The following LDLRAD2 variants were observed in gnomAD, a reference collection of about 807,000 sequenced individuals.
LDLRAD2 encodes low-density lipoprotein receptor class A domain-containing protein 2.
A neutral mutation model predicts 24.9 loss-of-function variants in LDLRAD2; 25 were observed. That is an observed-to-expected ratio of 1.00 (90% CI 0.73 to 1.40). The LOEUF is 1.40. Ranked by LOEUF, LDLRAD2 falls within the 40% of genes most tolerant of loss-of-function variation. LDLRAD2 has a pLI of 0.00. For missense variants in LDLRAD2, 391 were observed against 366.2 expected, an observed-to-expected ratio of 1.07 and a Z score of -0.55; for synonymous variants, 182 against 166.7, an observed-to-expected ratio of 1.09 and a Z score of -0.71.
In LDLRAD2 at chr1:21,816,082, C is replaced by T. The variant is rs371083580; in HGVS notation, c.643+8C>T. Reference sequence around the variant, plus strand: ...CACCAGCTGACTGCAGAGGTCAGTGCGGGGTGTGGACTGGGCCCTACTGAA... The same window carrying T: ...CACCAGCTGACTGCAGAGGTCAGTGTGGGGTGTGGACTGGGCCCTACTGAA... On this transcript the variant is annotated splice_region_variant and intron_variant, in intron 3 of 4. Coordinates refer to ENST00000344642, the MANE Select transcript of LDLRAD2 (RefSeq NM_001013693.3). 1.3e-4 allele frequency: 209 copies of T among 1,611,912 alleles called. No homozygotes were observed. Among genetic ancestry groups the T allele is most frequent in the Non-Finnish European group, 1.7e-4 (203 of 1,179,646 alleles).
rs3736358 is a variant in LDLRAD2, at chr1:21,823,667, G to T, written c.*1452G>T. ...ACTGCCACGTTGGGACCTGGGGACC[G>T]GCCGCTGACCAGCTCCTCACCGTCG... is the stretch of plus-strand genomic sequence containing the variant. On this transcript the variant is annotated 3_prime_UTR_variant, in exon 5 of 5. Coordinates refer to ENST00000344642, the MANE Select transcript of LDLRAD2 (RefSeq NM_001013693.3). The T allele has an allele frequency of 0.18, 290,335 of 1,613,166 alleles. 28,135 individuals carry two copies. Among genetic ancestry groups the T allele is most frequent in the South Asian group, 0.28 (25,747 of 91,074 alleles).
chr1:21,816,164 G>A, intron 3 of LDLRAD2, 90 bp downstream of exon 3: 1 of 1,514,168 alleles, frequency 6.6e-7, no homozygotes, highest in Non-Finnish European at 8.9e-7. Context: ...CCCCGATGGG[G>A]AGGCAGGAGA....
At position 21,824,918 on chromosome 1, in the gene LDLRAD2, G is replaced by C; in HGVS notation, c.*2703G>C. ...CTGCAGTCCCTGGGGACCCACGGGG[G>C]CTGCCAACAGAATTCAGGGAGCCTA... On this transcript the variant is annotated 3_prime_UTR_variant, in exon 5 of 5. Coordinates refer to ENST00000344642, the MANE Select transcript of LDLRAD2 (RefSeq NM_001013693.3). This position sits in a 1 kb window ranked among gnomAD's most constrained non-coding sequence, Gnocchi z 5.9. 1 of 762,478 alleles carries C rather than the reference G, an allele frequency of 1.3e-6. No individual in the cohort carries two copies. The highest frequency in any genetic ancestry group is 2.0e-5 in the Admixed American group (1 of 49,276). The allele number at this position is 762,478 out of a possible 1,614,324, so 47.2% of individuals were successfully genotyped here. A position where few individuals can be genotyped will look rare whatever the true frequency, so the allele number is the denominator to read the frequency against.
Position 21,823,567 on chromosome 1 carries a change from A to G in LDLRAD2, c.*1352A>G, listed in dbSNP as rs763147307. 48 of 1,608,914 alleles carry G rather than the reference A, an allele frequency of 3.0e-5. No individual in the cohort carries two copies. Among genetic ancestry groups the G allele is most frequent in the South Asian group, 4.4e-5 (4 of 90,984 alleles). ...GGAAGGCTGGGCGAGCTCTAGCCCT[A>G]AGGGAGTGCCGTTCCTGCCCCTGCC... is the stretch of plus-strand genomic sequence containing the variant. On this transcript the variant is annotated 3_prime_UTR_variant, in exon 5 of 5. Transcript: ENST00000344642.
At chr1:21,821,750 G>C in intron 4 of LDLRAD2, 139 bp downstream of exon 4, 4 of 1,485,568 alleles carry the variant, frequency 2.7e-6, no homozygotes, top group Non-Finnish European at 3.6e-6. Context: ...GGTGGCGCTG[G>C]CCTCCTCGAT....
At position 21,822,526 on chromosome 1, in the gene LDLRAD2, C is replaced by T; in HGVS notation, c.*311C>T. On this transcript the variant is annotated 3_prime_UTR_variant, in exon 5 of 5. Transcript: ENST00000344642. ...TTGTCTGTTGGAGGAGTCCCTGGGCCTTCACTTCCAGATGGGTGGGGATGT... is the reference window on the plus strand; with the variant it reads ...TTGTCTGTTGGAGGAGTCCCTGGGCTTTCACTTCCAGATGGGTGGGGATGT... The T allele has an allele frequency of 6.7e-6, 2 of 296,806 alleles. No homozygotes were observed. The highest frequency in any genetic ancestry group is 4.1e-5 in the Admixed American group (1 of 24,354). 18.4% of individuals were successfully genotyped at this position (296,806 alleles called of 1,614,324 possible).
At chr1:21,821,270 C>A (rs544216479) in intron 3 of LDLRAD2, among the ~76,000 whole-genome samples, 180 bp from the exon 4 acceptor site, 30 of 152,266 alleles carry the variant, frequency 2.0e-4, no homozygotes. Flanking sequence ...GGAGCCAGAC[C>A]ATGTGAGTTC....
chr1:21,816,193 G>A (rs920200527), intron 3 of LDLRAD2, 119 bp downstream of exon 3: 2 of 1,385,696 alleles, frequency 1.4e-6, no homozygotes, highest in Non-Finnish European at 1.9e-6. Flanking sequence ...CGGAAGTGTG[G>A]AATCGGCTTA....
chr1:21,813,218 C>T (rs1025457477), intron 1 of LDLRAD2, among the ~76,000 whole-genome samples: 2 of 152,142 alleles, frequency 1.3e-5, no homozygotes, highest in Non-Finnish European at 2.9e-5. Flanking sequence ...TCGCTTGAAC[C>T]AGGGAGTCGG....
rs760246916 is a variant in LDLRAD2 at position 21,824,185 on chromosome 1, C to T, written c.*1970C>T. The stretch of plus-strand genomic sequence containing the variant: ...GGGTCCTCAGAGACCAGGCGGGCCT[C>T]CCCACTACCCAGCTGGTACCTGCAG... On this transcript the variant is annotated 3_prime_UTR_variant, in exon 5 of 5. Transcript: ENST00000344642. The surrounding 1 kb of genome is among the most constrained non-coding windows in gnomAD (Gnocchi z 5.9). 10 of 1,613,648 alleles carry T rather than the reference C, an allele frequency of 6.2e-6. 1 individual carries two copies. Among genetic ancestry groups the T allele is most frequent in the Middle Eastern group, 1.6e-4 (1 of 6,066 alleles).
At chr1:21,819,157 T>C (rs1164133647) in intron 3 of LDLRAD2, among the ~76,000 whole-genome samples, 9 of 151,900 alleles carry the variant, frequency 5.9e-5, no homozygotes, top group Non-Finnish European at 1.5e-5. Flanking sequence ...GCGGATCACC[T>C]GTAGTCGGGA....
At position 21,824,649 on chromosome 1, in the gene LDLRAD2, C is replaced by G; in HGVS notation, c.*2434C>G. On this transcript the variant is annotated 3_prime_UTR_variant, in exon 5 of 5. Transcript: ENST00000344642. This position sits in a 1 kb window ranked among gnomAD's most constrained non-coding sequence, Gnocchi z 5.9. ...GAAGAGCGGGTGAGGGGACAGAAGT[C>G]CCAGATTCCCATCCTCCCCATTAGG... 6.2e-7 allele frequency: 1 copy of G among 1,613,554 alleles called. No homozygotes were observed. The highest frequency in any genetic ancestry group is 8.5e-7 in the Non-Finnish European group (1 of 1,179,734).
At chr1:21,818,001 G>A (rs1044013602) in intron 3 of LDLRAD2, among the ~76,000 whole-genome samples, 2 of 151,922 alleles carry the variant, frequency 1.3e-5, no homozygotes, top group African/African-American at 4.8e-5. Flanking sequence ...CTCAGCCTCC[G>A]GTGTAGCTGG....
intron 2 of LDLRAD2, 90 bp downstream of exon 2, chr1:21,814,913 C>T (rs557913412): frequency 3.3e-6 from 4 of 1,229,228 alleles, no homozygotes; most frequent in South Asian, 4.4e-5. Context: ...GGGCCGCTGC[C>T]GACAGGGGAA....
Position 21,824,774 on chromosome 1 carries a change from G to A in LDLRAD2, c.*2559G>A. Reference sequence around the variant, plus strand: ...TGGAAATAGGCTCCGTACTGCCCAGGGGCATCTGTGGGAGAGAGGAGGGTG... The same window carrying A: ...TGGAAATAGGCTCCGTACTGCCCAGAGGCATCTGTGGGAGAGAGGAGGGTG... On this transcript the variant is annotated 3_prime_UTR_variant, in exon 5 of 5. Transcript: ENST00000344642. This position sits in a 1 kb window ranked among gnomAD's most constrained non-coding sequence, Gnocchi z 5.9. 6.2e-7 allele frequency: 1 copy of A among 1,611,936 alleles called. No homozygotes were observed. The highest frequency in any genetic ancestry group is 1.7e-5 in the Admixed American group (1 of 59,790).
intron 3 of LDLRAD2, among the ~76,000 whole-genome samples, chr1:21,817,064 A>G (rs563786522): frequency 2.6e-5 from 4 of 152,192 alleles, no homozygotes; most frequent in African/African-American, 9.6e-5. Context: ...TTCACATTCC[A>G]GCTGCCCAGG....
chr1:21,821,862 G>A, intron 4 of LDLRAD2: 1 of 1,425,578 alleles, frequency 7.0e-7, no homozygotes, highest in Non-Finnish European at 9.1e-7. Context: ...TGCCTCCACT[G>A]CAGCACAGCC....
In LDLRAD2 at chr1:21,823,987, G is replaced by T; in HGVS notation, c.*1772G>T. On this transcript the variant is annotated 3_prime_UTR_variant, in exon 5 of 5. Transcript: ENST00000344642. ...GATGGAAGCCCGAGCCCTGGCTGGT[G>T]GGTTCTCCCCTCCCCTGGCTTCAAG... 1 of 938,486 alleles carries T rather than the reference G, an allele frequency of 1.1e-6. No homozygotes were observed. Among genetic ancestry groups the T allele is most frequent in the South Asian group, 1.4e-5 (1 of 70,698 alleles). 58.1% of individuals were successfully genotyped at this position (938,486 alleles called of 1,614,324 possible). A position where few individuals can be genotyped will look rare whatever the true frequency, so the allele number is the denominator to read the frequency against.
chr1:21,821,818 C>T, intron 4 of LDLRAD2: 1 of 1,430,378 alleles, frequency 7.0e-7, no homozygotes, highest in Non-Finnish European at 9.1e-7. Context: ...GCTCTCCCAG[C>T]TGGCTGGCCT....
Sources: allele counts gnomAD v4.1 joint callset (sites outside exome capture counted in the v4.1 genomes callset), GRCh38; gene constraint gnomAD v4.1.1; non-coding constraint Gnocchi (gnomAD v3.1); transcripts MANE v1.5; gene names NCBI Gene and HGNC (gene_info 2026-07-23, HGNC 2026-07-21).